KIRREL3: variants seen among roughly 807,000 people sequenced by gnomAD.
KIRREL3 encodes kirre like nephrin family adhesion molecule 3, also known as kin of IRRE-like protein 3.
KIRREL3 carries 36 observed loss-of-function variants against 89.7 expected under a neutral mutation model. The ratio of observed to expected loss-of-function variants is 0.40; its 90% CI spans 0.31 to 0.53. The LOEUF (loss-of-function observed/expected upper bound fraction) is 0.53. KIRREL3 is among the 20% of genes least tolerant of loss of function. KIRREL3 has a pLI of 0.49. For synonymous variants in KIRREL3, 445 were observed against 441.4 expected (o/e 1.01, Z -0.10); for missense variants, 864 against 1,056.6 (o/e 0.82, Z 2.53).
At position 126,860,524 on chromosome 11, in the gene KIRREL3, T is replaced by C. The variant is rs1944669326; in HGVS notation, c.55+139931A>G. 6.6e-6 allele frequency among the ~76,000 whole-genome samples: 1 copy of C among 152,064 alleles called. No individual in the cohort carries two copies. Among genetic ancestry groups the C allele is most frequent in the South Asian group, 2.1e-4 (1 of 4,812 alleles). ...AGAAGTGCATGACCTTCTCAAGACG[T>C]AGTGATTGCTCTGGGTGTGGCCAGG... is the stretch of plus-strand genomic sequence containing the variant. On this transcript the variant is annotated intron_variant, in intron 1 of 16. Transcript: ENST00000525144. This position sits in a 1 kb window ranked among gnomAD's most constrained non-coding sequence, Gnocchi z 4.6.
chr11:126,446,017 C>T (rs117799435), intron 9 of KIRREL3, among the ~76,000 whole-genome samples: 4,211 of 151,934 alleles, frequency 0.028, 89 homozygotes, highest in Middle Eastern at 0.058. Flanking sequence ...GCGTGGTGGC[C>T]CATACCCATA....
At chr11:126,826,094 T>G (rs1412290180) in intron 1 of KIRREL3, among the ~76,000 whole-genome samples, 2 of 152,136 alleles carry the variant, frequency 1.3e-5, no homozygotes, top group Non-Finnish European at 2.9e-5. Flanking sequence ...AAGGCTTGAA[T>G]AGTTCCCCAC....
Position 126,740,964 on chromosome 11 carries a change from G to C in KIRREL3, c.56-178052C>G, listed in dbSNP as rs1948961727. Reference sequence around the variant, plus strand: ...ATCAGATAGTGCTTACTTTGGGGCTGAGTGAGAATAGGAAAGTGGCAGAAC... The same window carrying C: ...ATCAGATAGTGCTTACTTTGGGGCTCAGTGAGAATAGGAAAGTGGCAGAAC... On this transcript the variant is annotated intron_variant, in intron 1 of 16. Coordinates refer to ENST00000525144, the MANE Select transcript of KIRREL3 (RefSeq NM_032531.4). The surrounding 1 kb of genome is among the most constrained non-coding windows in gnomAD (Gnocchi z 6.0). 6.6e-6 allele frequency among the ~76,000 whole-genome samples: 1 copy of C among 152,168 alleles called. No individual in the cohort carries two copies. The highest frequency in any genetic ancestry group is 1.5e-5 in the Non-Finnish European group (1 of 68,028).
Position 126,476,330 on chromosome 11 carries a change from G to T in KIRREL3, c.434-2864C>A, listed in dbSNP as rs900469023. Among the ~76,000 whole-genome samples the T allele has an allele frequency of 2.0e-5, 3 of 152,198 alleles. No individual in the cohort carries two copies. Among genetic ancestry groups the T allele is most frequent in the African/African-American group, 4.8e-5 (2 of 41,436 alleles). On this transcript the variant is annotated intron_variant, in intron 4 of 16. Coordinates refer to ENST00000525144, the MANE Select transcript of KIRREL3 (RefSeq NM_032531.4). This position sits in a 1 kb window ranked among gnomAD's most constrained non-coding sequence, Gnocchi z 6.4. Reference sequence around the variant, plus strand: ...ACCAGCTTTCTGGGCTCTGGACTCTGGGCTGAGGGGCAGGAGCCTCTGCTT... The same window carrying T: ...ACCAGCTTTCTGGGCTCTGGACTCTTGGCTGAGGGGCAGGAGCCTCTGCTT...
intron 1 of KIRREL3, among the ~76,000 whole-genome samples, chr11:126,825,595 T>C (rs1029455635): frequency 6.6e-6 from 1 of 152,240 alleles, no homozygotes; most frequent in Non-Finnish European, 1.5e-5. Flanking sequence ...AGGCTACTGC[T>C]GTTACCACTG....
Position 126,925,096 on chromosome 11 carries a change from T to C in KIRREL3, c.55+75359A>G, listed in dbSNP as rs1260926486. ...CAGCTTCCTCCTCACCATAAAAAGGTCGGGGGGGGGGGGGGGCTGTTGGTC... is the reference window on the plus strand; with the variant it reads ...CAGCTTCCTCCTCACCATAAAAAGGCCGGGGGGGGGGGGGGGCTGTTGGTC... On this transcript the variant is annotated intron_variant, in intron 1 of 16. Coordinates refer to ENST00000525144, the MANE Select transcript of KIRREL3 (RefSeq NM_032531.4). 3.4e-3 allele frequency among the ~76,000 whole-genome samples: 5 copies of C among 1,488 alleles called. No individual in the cohort carries two copies. The East Asian group carries it at 0.14, about 41-fold the overall frequency. 1.0% of individuals were successfully genotyped at this position (1,488 alleles called of 152,430 possible).
In KIRREL3 at chr11:126,576,360, C is replaced by T. The variant is rs1475747817; in HGVS notation, c.56-13448G>A. Reference sequence around the variant, plus strand: ...TGAGTTTATTCTAATTTCATTCATTCATTCTCATTCATTCATTCATTCATT... The same window carrying T: ...TGAGTTTATTCTAATTTCATTCATTTATTCTCATTCATTCATTCATTCATT... On this transcript the variant is annotated intron_variant, in intron 1 of 16. Transcript: ENST00000525144. This position sits in a 1 kb window ranked among gnomAD's most constrained non-coding sequence, Gnocchi z 5.4. Among the ~76,000 whole-genome samples, 1 of 151,842 alleles carries T rather than the reference C, an allele frequency of 6.6e-6. No individual in the cohort carries two copies. The highest frequency in any genetic ancestry group is 1.9e-4 in the East Asian group (1 of 5,194).
intron 1 of KIRREL3, among the ~76,000 whole-genome samples, chr11:126,757,078 G>A (rs1003561290): frequency 1.3e-5 from 2 of 152,096 alleles, no homozygotes; most frequent in African/African-American, 4.8e-5. Flanking sequence ...CTGAGCATTG[G>A]CAATCAAGCA....
rs917952544 is a variant in KIRREL3, at chr11:126,761,045, C to G, written c.56-198133G>C. ...AGAGGGAAGATGAAGCCCAGTTGCT[C>G]TATGCATTCTTTACTGCTGGACCAT... On this transcript the variant is annotated intron_variant, in intron 1 of 16. Transcript: ENST00000525144. The surrounding 1 kb of genome is among the most constrained non-coding windows in gnomAD (Gnocchi z 4.4). 6.6e-6 allele frequency among the ~76,000 whole-genome samples: 1 copy of G among 152,166 alleles called. No homozygotes were observed. Among genetic ancestry groups the G allele is most frequent in the African/African-American group, 2.4e-5 (1 of 41,438 alleles).
Position 126,538,518 on chromosome 11 carries a change from C to T in KIRREL3, c.134-11831G>A, listed in dbSNP as rs79556432. Among the ~76,000 whole-genome samples the T allele has an allele frequency of 9.0e-3, 1,373 of 152,316 alleles. 12 individuals are homozygous for T. Among genetic ancestry groups the T allele is most frequent in the Non-Finnish European group, 0.014 (984 of 68,030 alleles). ...CTCGAAACCCAAGTCTTGAATTCTG[C>T]TGTGTTCCTGCTGCTCAGCACAGGG... On this transcript the variant is annotated intron_variant, in intron 2 of 16. Transcript: ENST00000525144.
In KIRREL3 at chr11:126,562,660, A is replaced by C. The variant is rs922802405; in HGVS notation, c.133+175T>G. 6.6e-6 allele frequency among the ~76,000 whole-genome samples: 1 copy of C among 152,206 alleles called. No individual in the cohort carries two copies. Among genetic ancestry groups the C allele is most frequent in the African/African-American group, 2.4e-5 (1 of 41,446 alleles). ...TCAGCATCCTGTGTTTCAGGCATTC[A>C]CTATGCTTCCCCATGTGATTGTACA... On this transcript the variant is annotated intron_variant, in intron 2 of 16. Coordinates refer to ENST00000525144, the MANE Select transcript of KIRREL3 (RefSeq NM_032531.4). This position sits in a 1 kb window ranked among gnomAD's most constrained non-coding sequence, Gnocchi z 4.7.
Position 126,609,851 on chromosome 11 carries a change from T to G in KIRREL3, c.56-46939A>C, listed in dbSNP as rs1378475607. Among the ~76,000 whole-genome samples the G allele has an allele frequency of 6.6e-6, 1 of 152,174 alleles. No homozygotes were observed. Among genetic ancestry groups the G allele is most frequent in the Non-Finnish European group, 1.5e-5 (1 of 68,036 alleles). ...ACTGTGTCAGTTTTTTTCTGTTGAT[T>G]ATGAACAACAGCAGCTAACATTAAT... On this transcript the variant is annotated intron_variant, in intron 1 of 16. Transcript: ENST00000525144. This position sits in a 1 kb window ranked among gnomAD's most constrained non-coding sequence, Gnocchi z 5.0.
intron 13 of KIRREL3, 101 bp downstream of exon 13, chr11:126,435,167 G>T: frequency 8.2e-7 from 1 of 1,223,742 alleles, no homozygotes; most frequent in Non-Finnish European, 1.2e-6. Flanking sequence ...GACACTAGCG[G>T]CCAGCACAGG....
chr11:126,860,825 C>A lies in KIRREL3; in HGVS notation c.55+139630G>T, dbSNP rs1277897456. Among the ~76,000 whole-genome samples, 1 of 152,092 alleles carries A rather than the reference C, an allele frequency of 6.6e-6. No individual in the cohort carries two copies. Among genetic ancestry groups the A allele is most frequent in the Non-Finnish European group, 1.5e-5 (1 of 68,026 alleles). On this transcript the variant is annotated intron_variant, in intron 1 of 16. Coordinates refer to ENST00000525144, the MANE Select transcript of KIRREL3 (RefSeq NM_032531.4). This position sits in a 1 kb window ranked among gnomAD's most constrained non-coding sequence, Gnocchi z 4.6. ...GCAGAGGTACAAATGCAAGATGGCA[C>A]CCGTGGACACATTGAAAGTTTAGTG...
At chr11:126,895,658 G>A (rs906558209) in intron 1 of KIRREL3, among the ~76,000 whole-genome samples, 2 of 152,024 alleles carry the variant, frequency 1.3e-5, no homozygotes, top group African/African-American at 4.8e-5. Context: ...ACCCAGCAAG[G>A]GTAACCAGAC....
Position 126,689,042 on chromosome 11 carries a change from A to AAGAGAGAGAGAGAGAGAG in KIRREL3, c.56-126148_56-126131dup, listed in dbSNP as rs58257040. ...ATGTGTGTGTGTGTAAGGGGGAGAG[A>AAGAGAGAGAGAGAGAGAG]AGAGAGAGAGAGAGAGAGAGAGAGA... On this transcript the variant is annotated intron_variant, in intron 1 of 16. Coordinates refer to ENST00000525144, the MANE Select transcript of KIRREL3 (RefSeq NM_032531.4). This position sits in a 1 kb window ranked among gnomAD's most constrained non-coding sequence, Gnocchi z 5.2. 3.1e-5 allele frequency among the ~76,000 whole-genome samples: 4 copies of AAGAGAGAGAGAGAGAGAG among 129,814 alleles called. No individual in the cohort carries two copies. The highest frequency in any genetic ancestry group is 2.8e-4 in the South Asian group (1 of 3,594). The allele number at this position is 129,814 out of a possible 152,430, so 85.2% of individuals were successfully genotyped here.
intron 1 of KIRREL3, among the ~76,000 whole-genome samples, chr11:126,621,663 AACACC>A (rs1943580502): frequency 6.6e-6 from 1 of 152,184 alleles, no homozygotes; most frequent in South Asian, 2.1e-4. Flanking sequence ...AACCCATTGA[AACACC>A]ACATTATTTA....
chr11:126,861,684 CAG>C (rs1157192035), intron 1 of KIRREL3, among the ~76,000 whole-genome samples: 1 of 152,188 alleles, frequency 6.6e-6, no homozygotes, highest in African/African-American at 2.4e-5. Context: ...TTGTAAATTA[CAG>C]AGAGCTATGC....
At position 126,727,546 on chromosome 11, in the gene KIRREL3, C is replaced by T. The variant is rs958524174; in HGVS notation, c.56-164634G>A. 2.6e-5 allele frequency among the ~76,000 whole-genome samples: 4 copies of T among 152,284 alleles called. No individual in the cohort carries two copies. In the East Asian group the frequency reaches 7.7e-4, roughly 29 times the overall value. On this transcript the variant is annotated intron_variant, in intron 1 of 16. Coordinates refer to ENST00000525144, the MANE Select transcript of KIRREL3 (RefSeq NM_032531.4). ...GCTCAGCTGTCTGCAGCAGCTGTAC[C>T]CTGCACCCTGCCCAGCAGGCATTTC...
Sources: gnomAD v4.1 joint callset for allele counts (sites outside exome capture counted in the v4.1 genomes callset) on GRCh38, gnomAD v4.1.1 for gene constraint, Gnocchi (gnomAD v3.1) non-coding constraint, MANE v1.5 for transcripts, NCBI Gene and HGNC (gene_info 2026-07-23, HGNC 2026-07-21) for gene names.